Variants in EHMT1 observed in about 807,000 individuals in gnomAD.
EHMT1 encodes euchromatic histone lysine methyltransferase 1.
EHMT1 carries 15 observed loss-of-function variants against 147.2 expected under a neutral mutation model. That is an observed-to-expected ratio of 0.10 (90% CI 0.07 to 0.16). The LOEUF (loss-of-function observed/expected upper bound fraction) is 0.16. EHMT1 is among the 10% of genes least tolerant of loss of function. EHMT1 has a pLI of 1.00. For synonymous variants in EHMT1, 795 were observed against 709.6 expected (o/e 1.12, Z -1.91); for missense variants, 1,587 against 1,772.4 (o/e 0.90, Z 1.88).
chr9:137,658,566 T>C (rs1394115974), intron 1 of EHMT1, among the ~76,000 whole-genome samples: 1 of 152,110 alleles, frequency 6.6e-6, no homozygotes, highest in African/African-American at 2.4e-5. Flanking sequence ...TCTGCAATTA[T>C]CTTTTGTTTT....
chr9:137,699,491 G>A (rs144112581), intron 1 of EHMT1, among the ~76,000 whole-genome samples: 1,797 of 152,214 alleles, frequency 0.012, 21 homozygotes, highest in Non-Finnish European at 0.019. Flanking sequence ...TGGCTAATGT[G>A]ATGAAACCCC....
At chr9:137,646,383 T>G (rs1259347886) in intron 1 of EHMT1, 1 of 985,418 alleles carries the variant, frequency 1.0e-6, no homozygotes, top group Non-Finnish European at 1.2e-6. Flanking sequence ...CGGGCAAGAA[T>G]CCTGTGACCA....
chr9:137,623,082 G>A (rs979401994), intron 1 of EHMT1, among the ~76,000 whole-genome samples: 2 of 150,692 alleles, frequency 1.3e-5, no homozygotes, highest in Admixed American at 6.6e-5. Context: ...GTGTGGTGGC[G>A]GCCGCCTGTA....
chr9:137,702,894 T>C (rs1943954928), intron 1 of EHMT1, among the ~76,000 whole-genome samples: 2 of 152,218 alleles, frequency 1.3e-5, no homozygotes, highest in Admixed American at 1.3e-4. Flanking sequence ...CTGCCTCAGC[T>C]TCCTGAGTAG....
intron 1 of EHMT1, among the ~76,000 whole-genome samples, chr9:137,707,950 G>A (rs533180574): frequency 7.6e-4 from 115 of 152,288 alleles, no homozygotes; most frequent in African/African-American, 2.7e-3. Context: ...GTGCCTCAAG[G>A]CCCTGCTCTT....
chr9:137,694,098 T>A (rs3123500), intron 1 of EHMT1, among the ~76,000 whole-genome samples: 8 of 29,392 alleles, frequency 2.7e-4, no homozygotes, highest in South Asian at 1.9e-3. Flanking sequence ...ACACAGTGGC[T>A]CAGGACGCTG....
At position 137,758,463 on chromosome 9, in the gene EHMT1, T is replaced by A. The variant is rs75040090; in HGVS notation, c.1501+452T>A. The stretch of plus-strand genomic sequence containing the variant: ...AATATTCGTATTTAGTGTATTTTTG[T>A]ACCTCTAAATCACAGGTGAATCAGC... On this transcript the variant is annotated intron_variant, in intron 9 of 26. Transcript: ENST00000460843. Among the ~76,000 whole-genome samples, 1,434 of 152,386 alleles carry A rather than the reference T, an allele frequency of 9.4e-3. 14 individuals are homozygous for A. The highest frequency in any genetic ancestry group is 0.033 in the African/African-American group (1,366 of 41,592).
At chr9:137,697,162 T>C in intron 1 of EHMT1, 1 of 360,762 alleles carries the variant, frequency 2.8e-6, no homozygotes, top group Non-Finnish European at 5.8e-6. Context: ...GCACTTGTAA[T>C]CCCAGCTACT....
At chr9:137,727,478 A>C (rs976015592) in intron 3 of EHMT1, among the ~76,000 whole-genome samples, 1 of 152,174 alleles carries the variant, frequency 6.6e-6, no homozygotes, top group Non-Finnish European at 1.5e-5. Context: ...TATGGTTTAG[A>C]AAAGGGTCCA....
At chr9:137,669,624 C>T (rs1940292540) in intron 1 of EHMT1, among the ~76,000 whole-genome samples, 1 of 152,140 alleles carries the variant, frequency 6.6e-6, no homozygotes, top group Non-Finnish European at 1.5e-5. Flanking sequence ...TTCCCTGGCC[C>T]CTCCCCCACC....
At chr9:137,777,687 A>G (rs1489981777) in intron 12 of EHMT1, among the ~76,000 whole-genome samples, 195 bp from the exon 13 acceptor site, 2 of 152,224 alleles carry the variant, frequency 1.3e-5, no homozygotes, top group African/African-American at 2.4e-5. Flanking sequence ...CACGCTGCCC[A>G]GAAGTCTAGG....
intron 1 of EHMT1, among the ~76,000 whole-genome samples, chr9:137,649,546 C>T (rs568012570): frequency 7.2e-5 from 11 of 152,148 alleles, no homozygotes; most frequent in Non-Finnish European, 1.5e-4. Flanking sequence ...CTAATTTGGA[C>T]GTAGGATCTT....
At chr9:137,669,338 A>ACTGCACCCAAGACGC (rs1564562383) in intron 1 of EHMT1, among the ~76,000 whole-genome samples, 1 of 11,890 alleles carries the variant, frequency 8.4e-5, no homozygotes, top group Non-Finnish European at 1.5e-4. Flanking sequence ...CAGCACGTGG[A>ACTGCACCCAAGACGC]CCCCACACCA....
rs1951972354 is a variant in EHMT1, at chr9:137,786,444, C to G, written c.2382+4047C>G. The stretch of plus-strand genomic sequence containing the variant: ...GTGCTGTTTCTCAGGGTTTCAGCAT[C>G]TGCAGGGGTGTCTCACATCTCACAC... On this transcript the variant is annotated intron_variant, in intron 15 of 26. Coordinates refer to ENST00000460843, the MANE Select transcript of EHMT1 (RefSeq NM_024757.5). This position sits in a 1 kb window ranked among gnomAD's most constrained non-coding sequence, Gnocchi z 4.3. The G allele has an allele frequency of 6.6e-6, 1 of 152,406 alleles. No homozygotes were observed. 9.4% of individuals were successfully genotyped at this position (152,406 alleles called of 1,614,324 possible).
chr9:137,670,607 T>C (rs774058928), intron 1 of EHMT1, among the ~76,000 whole-genome samples: 36 of 152,168 alleles, frequency 2.4e-4, no homozygotes, highest in Non-Finnish European at 4.7e-4. Context: ...CATCTGCGCC[T>C]CTCTCTTCTG....
At chr9:137,834,040 G>A (rs988486208) in intron 25 of EHMT1, 7 of 466,248 alleles carry the variant, frequency 1.5e-5, no homozygotes, top group East Asian at 4.1e-5. Flanking sequence ...GTGGGATGGC[G>A]CTGTCCACAT....
intron 18 of EHMT1, among the ~76,000 whole-genome samples, chr9:137,806,217 T>A (rs1953936831): frequency 6.6e-6 from 1 of 152,030 alleles, no homozygotes; most frequent in Non-Finnish European, 1.5e-5. Context: ...CGCTTTGGCC[T>A]CCCACAGTGC....
In EHMT1 at chr9:137,835,283, C is replaced by A. The variant is rs759533007; in HGVS notation, c.*330C>A. 2.6e-5 allele frequency: 6 copies of A among 234,936 alleles called. No individual in the cohort carries two copies. Among genetic ancestry groups the A allele is most frequent in the Admixed American group, 1.2e-4 (2 of 17,120 alleles). The allele number at this position is 234,936 out of a possible 1,614,324, so 14.6% of individuals were successfully genotyped here. ...GTCGTTGCGAAGTTTCTCGTTTCTT[C>A]CTCTGACCTCCGAGGTCCCCGCTGC... On this transcript the variant is annotated 3_prime_UTR_variant, in exon 27 of 27. Transcript: ENST00000460843.
chr9:137,738,526 A>G (rs1947756654), intron 4 of EHMT1: 1 of 152,224 alleles, frequency 6.6e-6, no homozygotes, highest in African/African-American at 2.4e-5. Context: ...GTGATCCAGC[A>G]GTTCCACTGC....
Sources: allele counts gnomAD v4.1 joint callset (sites outside exome capture counted in the v4.1 genomes callset), GRCh38; gene constraint gnomAD v4.1.1; non-coding constraint Gnocchi (gnomAD v3.1); transcripts MANE v1.5; gene names NCBI Gene and HGNC (gene_info 2026-07-23, HGNC 2026-07-21).